Variants in PRDM5 observed in about 807,000 individuals in gnomAD.
PRDM5 encodes PR/SET domain 5, also known as PR domain zinc finger protein 5.
Under a neutral mutation model 81.2 loss-of-function variants are expected in PRDM5, and 56 were observed. The ratio of observed to expected loss-of-function variants is 0.69; its 90% CI spans 0.56 to 0.86. The LOEUF (loss-of-function observed/expected upper bound fraction) is 0.86. Ranked by LOEUF, PRDM5 falls within the 40% of genes least tolerant of loss-of-function variation. The pLI is 0.00. For synonymous variants in PRDM5, 267 were observed against 256.4 expected (o/e 1.04, Z -0.39); for missense variants, 697 against 770.1 (o/e 0.91, Z 1.12).
intron 14 of PRDM5, among the ~76,000 whole-genome samples, chr4:120,721,192 A>C (rs1172155290): frequency 6.6e-6 from 1 of 152,204 alleles, no homozygotes; most frequent in Non-Finnish European, 1.5e-5. Context: ...GGTGACTCAA[A>C]CTAGTCCATT....
intron 2 of PRDM5, among the ~76,000 whole-genome samples, chr4:120,894,132 AT>A (rs1251864031): frequency 1.3e-5 from 2 of 152,136 alleles, no homozygotes; most frequent in African/African-American, 2.4e-5. Context: ...TAATAAAATG[AT>A]TTTATCATCC....
intron 8 of PRDM5, among the ~76,000 whole-genome samples, chr4:120,800,604 T>C (rs1378177584): frequency 1.3e-5 from 2 of 151,602 alleles, no homozygotes; most frequent in Non-Finnish European, 1.5e-5. Context: ...GTAGCAGGTA[T>C]GCAGGATGAA....
chr4:120,738,984 G>A (rs2149102712), intron 14 of PRDM5, among the ~76,000 whole-genome samples: 1 of 152,258 alleles, frequency 6.6e-6, no homozygotes, highest in Middle Eastern at 3.4e-3. Context: ...TTCACTTGGA[G>A]TCTTTCTTGC....
chr4:120,782,517 C>G (rs1749183281), intron 11 of PRDM5, among the ~76,000 whole-genome samples: 1 of 151,992 alleles, frequency 6.6e-6, no homozygotes, highest in South Asian at 2.1e-4. Flanking sequence ...CTTTGTCTTT[C>G]TAAATAGAAT....
chr4:120,749,245 A>G (rs1052456408), intron 14 of PRDM5, among the ~76,000 whole-genome samples: 1 of 152,174 alleles, frequency 6.6e-6, no homozygotes, highest in African/African-American at 2.4e-5. Context: ...CACCTTTGTC[A>G]GAGCAAGAGA....
chr4:120,725,278 T>TC (rs1739233368), intron 14 of PRDM5, among the ~76,000 whole-genome samples: 1 of 152,010 alleles, frequency 6.6e-6, no homozygotes, highest in Non-Finnish European at 1.5e-5. Flanking sequence ...ACAGTTGTTT[T>TC]TTTTTTTTCT....
chr4:120,753,610 A>C (rs556114364), intron 14 of PRDM5, among the ~76,000 whole-genome samples: 1 of 152,300 alleles, frequency 6.6e-6, no homozygotes, highest in East Asian at 1.9e-4. Flanking sequence ...GTTTTCTCTA[A>C]AATTTTTATT....
intron 14 of PRDM5, among the ~76,000 whole-genome samples, chr4:120,719,677 T>C (rs1366912928): frequency 6.6e-6 from 1 of 152,158 alleles, no homozygotes; most frequent in African/African-American, 2.4e-5. Context: ...AAAATTCAAG[T>C]TTTATGGCTA....
At chr4:120,735,262 G>A (rs998691103) in intron 14 of PRDM5, among the ~76,000 whole-genome samples, 3 of 152,062 alleles carry the variant, frequency 2.0e-5, no homozygotes, top group African/African-American at 7.2e-5. Flanking sequence ...TACACTACAG[G>A]GAACTGATTT....
intron 1 of PRDM5, among the ~76,000 whole-genome samples, chr4:120,686,847 CAT>C (rs1733855022): frequency 6.6e-6 from 1 of 151,730 alleles, no homozygotes; most frequent in Admixed American, 6.6e-5. Flanking sequence ...TATATATAAT[CAT>C]ATGTTTCTAT....
chr4:120,787,381 T>G (rs368406091), intron 10 of PRDM5, among the ~76,000 whole-genome samples: 1 of 152,208 alleles, frequency 6.6e-6, no homozygotes, highest in African/African-American at 2.4e-5. Context: ...GCAGGAATTT[T>G]GTCTTTTATT....
intron 3 of PRDM5, among the ~76,000 whole-genome samples, chr4:120,851,191 A>G (rs1329374467): frequency 6.6e-6 from 1 of 152,160 alleles, no homozygotes; most frequent in Non-Finnish European, 1.5e-5. Context: ...GAGAAGGCTT[A>G]AAATCATTAT....
chr4:120,782,255 A>T (rs1420356079), intron 11 of PRDM5, among the ~76,000 whole-genome samples: 2 of 152,172 alleles, frequency 1.3e-5, no homozygotes, highest in Non-Finnish European at 2.9e-5. Context: ...CCTTTTTAGA[A>T]AACAATCATA....
intron 2 of PRDM5, among the ~76,000 whole-genome samples, chr4:120,878,080 A>T (rs1395239375): frequency 1.3e-5 from 2 of 152,222 alleles, no homozygotes; most frequent in Non-Finnish European, 1.5e-5. Flanking sequence ...TTCAGAGAGA[A>T]TAATACAATT....
At chr4:120,829,798 A>G (rs1266222356) in intron 3 of PRDM5, among the ~76,000 whole-genome samples, 1 of 152,084 alleles carries the variant, frequency 6.6e-6, no homozygotes, top group Non-Finnish European at 1.5e-5. Context: ...TAATCCATGG[A>G]AAAGGGAATT....
rs114217294 is a variant in PRDM5 at position 120,769,817 on chromosome 4, A to G, written c.1537+7371T>C. Reference sequence around the variant, plus strand: ...TCTCTAAGCAGTATAACTGAAAGAAAACAAAAACAAAACAACAAAACGTCT... The same window carrying G: ...TCTCTAAGCAGTATAACTGAAAGAAGACAAAAACAAAACAACAAAACGTCT... On this transcript the variant is annotated intron_variant, in intron 13 of 15. Coordinates refer to ENST00000264808, the MANE Select transcript of PRDM5 (RefSeq NM_018699.4). Among the ~76,000 whole-genome samples, 1,345 of 152,278 alleles carry G rather than the reference A, an allele frequency of 8.8e-3. 13 individuals carry two copies. The highest frequency in any genetic ancestry group is 0.03 in the African/African-American group (1,238 of 41,556).
At chr4:120,777,372 T>G (rs1393946324) in intron 12 of PRDM5, 91 bp from the exon 13 acceptor site, 3 of 1,576,542 alleles carry the variant, frequency 1.9e-6, no homozygotes, top group Admixed American at 1.8e-5. Flanking sequence ...ATCCTTATTT[T>G]GTAGGATTAC....
intron 8 of PRDM5, among the ~76,000 whole-genome samples, chr4:120,799,994 TTAGTA>T (rs542513235): frequency 4.7e-4 from 71 of 152,348 alleles, no homozygotes; most frequent in Admixed American, 1.1e-3. Context: ...GCTGTCCTAT[TTAGTA>T]CATATTAAAT....
chr4:120,794,154 G>A (rs1751001434), intron 10 of PRDM5, among the ~76,000 whole-genome samples: 3 of 152,094 alleles, frequency 2.0e-5, no homozygotes, highest in Non-Finnish European at 4.4e-5. Flanking sequence ...AGCATACAAA[G>A]ATAGGTGATT....
Sources: gnomAD v4.1 joint callset for allele counts (sites outside exome capture counted in the v4.1 genomes callset) on GRCh38, gnomAD v4.1.1 for gene constraint, MANE v1.5 for transcripts, NCBI Gene and HGNC (gene_info 2026-07-23, HGNC 2026-07-21) for gene names.